The following CTLA4 variants were observed in gnomAD, a reference collection of about 807,000 sequenced individuals.
CTLA4 encodes cytotoxic T-lymphocyte associated protein 4.
A neutral mutation model predicts 20.4 loss-of-function variants in CTLA4; 3 were observed. The observed-to-expected ratio is 0.15, with a 90% CI of 0.07 to 0.38. CTLA4 has a LOEUF of 0.38. CTLA4 is among the 10% of genes least tolerant of loss of function. The pLI is 1.00. For synonymous variants in CTLA4, 100 were observed against 105.2 expected (o/e 0.95, Z 0.30); for missense variants, 184 against 276.8 (o/e 0.66, Z 2.38).
chr2:203,868,805 G>A (rs1322543980), intron 1 of CTLA4, among the ~76,000 whole-genome samples: 1 of 152,122 alleles, frequency 6.6e-6, no homozygotes, highest in African/African-American at 2.4e-5. Context: ...TTGTTACACG[G>A]CTTAAAATGA....
rs1688706626 is a variant in CTLA4 at position 203,870,402 on chromosome 2, C to T, written c.110-184C>T. On this transcript the variant is annotated intron_variant, in intron 1 of 3. Coordinates refer to ENST00000648405, the MANE Select transcript of CTLA4 (RefSeq NM_005214.5). This position sits in a 1 kb window ranked among gnomAD's most constrained non-coding sequence, Gnocchi z 5.3. ...AAGAAAATATCTTTATGGAGAGTAG[C>T]TGGAAAACAGTTGAGAGATGGAGGG... is the stretch of plus-strand genomic sequence containing the variant. 2 of 592,048 alleles carry T rather than the reference C, an allele frequency of 3.4e-6. No individual in the cohort carries two copies. Among genetic ancestry groups the T allele is most frequent in the African/African-American group, 4.1e-5 (2 of 48,728 alleles). The allele number at this position is 592,048 out of a possible 1,614,324, so 36.7% of individuals were successfully genotyped here.
At position 203,873,219 on chromosome 2, in the gene CTLA4, T is replaced by G. The variant is rs954473448; in HGVS notation, c.*407T>G. On this transcript the variant is annotated 3_prime_UTR_variant, in exon 4 of 4. Coordinates refer to ENST00000648405, the MANE Select transcript of CTLA4 (RefSeq NM_005214.5). Reference sequence around the variant, plus strand: ...GCCGAAATGATCTTTTCAAGTTAAATTTTATGCCTTTTATTTCTTAAACAA... The same window carrying G: ...GCCGAAATGATCTTTTCAAGTTAAAGTTTATGCCTTTTATTTCTTAAACAA... 1 of 402,786 alleles carries G rather than the reference T, an allele frequency of 2.5e-6. No individual in the cohort carries two copies. Among genetic ancestry groups the G allele is most frequent in the African/African-American group, 2.1e-5 (1 of 48,552 alleles). The allele number at this position is 402,786 out of a possible 1,614,324, so 25.0% of individuals were successfully genotyped here.
chr2:203,868,856 C>A (rs1467949586), intron 1 of CTLA4, among the ~76,000 whole-genome samples: 2 of 152,132 alleles, frequency 1.3e-5, no homozygotes, highest in African/African-American at 4.8e-5. Context: ...TCTCTCTAGA[C>A]CTTCTTGGTT....
In CTLA4 at chr2:203,872,713, G is replaced by A. The variant is rs1037900731; in HGVS notation, c.573G>A (p.Lys191=). 4 of 1,606,242 alleles carry A rather than the reference G, an allele frequency of 2.5e-6. No individual in the cohort carries two copies. Among genetic ancestry groups the A allele is most frequent in the Non-Finnish European group, 1.7e-6 (2 of 1,173,208 alleles). Residue 191 remains lysine (K), a synonymous_variant, in exon 4 of 4, where the codon AAG becomes AAA. Transcript: ENST00000648405. ...LTAVSLSKML[K]KRSPLTTGVY... ...TTTCTTTTTGTGTTTGACAGCTAAAGAAAAGAAGCCCTCTTACAACAGGGG... is the reference window on the plus strand; with the variant it reads ...TTTCTTTTTGTGTTTGACAGCTAAAAAAAAGAAGCCCTCTTACAACAGGGG...
At chr2:203,869,717 C>T (rs1310791566) in intron 1 of CTLA4, among the ~76,000 whole-genome samples, 1 of 152,146 alleles carries the variant, frequency 6.6e-6, no homozygotes, top group African/African-American at 2.4e-5. Flanking sequence ...TGGTTAGTTA[C>T]AGGAAGGTAA....
chr2:203,870,949 T>A lies in CTLA4; in HGVS notation c.457+16T>A. On this transcript the variant is annotated intron_variant, in intron 2 of 3. Coordinates refer to ENST00000648405, the MANE Select transcript of CTLA4 (RefSeq NM_005214.5). This position sits in a 1 kb window ranked among gnomAD's most constrained non-coding sequence, Gnocchi z 5.3. Reference sequence around the variant, plus strand: ...TATGTAATTGGTGAGCAAAGCCATTTCACTGAGTTGACACCTGTTGCATTG... The same window carrying A: ...TATGTAATTGGTGAGCAAAGCCATTACACTGAGTTGACACCTGTTGCATTG... 6.3e-7 allele frequency: 1 copy of A among 1,599,136 alleles called. No individual in the cohort carries two copies. Among genetic ancestry groups the A allele is most frequent in the Non-Finnish European group, 8.6e-7 (1 of 1,168,016 alleles).
intron 3 of CTLA4, 116 bp from the exon 4 acceptor site, chr2:203,872,592 C>T (rs974780969): frequency 8.5e-6 from 5 of 587,164 alleles, no homozygotes; most frequent in Non-Finnish European, 1.5e-5. Flanking sequence ...ATTCTGTATG[C>T]TGTGAACATT....
At chr2:203,868,192 T>G in intron 1 of CTLA4, 141 bp downstream of exon 1, 1 of 665,028 alleles carries the variant, frequency 1.5e-6, no homozygotes, top group Non-Finnish European at 2.6e-6. Context: ...GCTGGCTCTG[T>G]ATTCCAGGGC....
chr2:203,870,835 G>A lies in CTLA4; in HGVS notation c.359G>A (p.Arg120Lys). Residue 120 changes from arginine (R) to lysine (K), a missense_variant, in exon 2 of 4, where the codon AGG becomes AAG. Transcript: ENST00000648405. This position sits in a 1 kb window ranked among gnomAD's most constrained non-coding sequence, Gnocchi z 5.3. The stretch of plus-strand genomic sequence containing the variant: ...GTGAACCTCACTATCCAAGGACTGA[G>A]GGCCATGGACACGGGACTCTACATC... ...NQVNLTIQGL[R>K]AMDTGLYICK... 2 of 1,614,182 alleles carry A rather than the reference G, an allele frequency of 1.2e-6. No homozygotes were observed. The highest frequency in any genetic ancestry group is 1.7e-6 in the Non-Finnish European group (2 of 1,180,028).
chr2:203,873,140 C>G lies in CTLA4; in HGVS notation c.*328C>G. 3 of 489,008 alleles carry G rather than the reference C, an allele frequency of 6.1e-6. No homozygotes were observed. The highest frequency in any genetic ancestry group is 1.1e-5 in the Non-Finnish European group (3 of 278,072). 30.3% of individuals were successfully genotyped at this position (489,008 alleles called of 1,614,324 possible). On this transcript the variant is annotated 3_prime_UTR_variant, in exon 4 of 4. Transcript: ENST00000648405. ...GCCCAAAGAAGGAAAAGGCAGGGAG[C>G]GAGGGAGAAGACTATATTGTACACA...
Position 203,868,027 on chromosome 2 carries a change from C to G in CTLA4, c.85C>G (p.Leu29Val). Residue 29 changes from leucine to valine, a missense_variant, in exon 1 of 4, where the codon CTC becomes GTC. Transcript: ENST00000648405. ...TWPCTLLFFL[L>V]FIPVFCKAMH... ...GCCCTGCACTCTCCTGTTTTTTCTT[C>G]TCTTCATCCCTGTCTTCTGCAAAGG... 2 of 1,613,706 alleles carry G rather than the reference C, an allele frequency of 1.2e-6. No individual in the cohort carries two copies. The highest frequency in any genetic ancestry group is 1.7e-6 in the Non-Finnish European group (2 of 1,179,562).
intron 1 of CTLA4, among the ~76,000 whole-genome samples, chr2:203,869,319 T>A (rs531208959): frequency 1.3e-5 from 2 of 152,312 alleles, no homozygotes; most frequent in South Asian, 4.2e-4. Context: ...ATCACAGTGC[T>A]AAGGATGCTC....
intron 1 of CTLA4, among the ~76,000 whole-genome samples, chr2:203,869,812 C>T (rs1400667746): frequency 6.6e-6 from 1 of 152,106 alleles, no homozygotes; most frequent in Non-Finnish European, 1.5e-5. Context: ...GAAAAGAGAA[C>T]AAAGGAGCAT....
Position 203,870,570 on chromosome 2 carries a change from G to T in CTLA4, c.110-16G>T, listed in dbSNP as rs1231531519. The T allele has an allele frequency of 7.5e-6, 12 of 1,610,178 alleles. No individual in the cohort carries two copies. Among genetic ancestry groups the T allele is most frequent in the Non-Finnish European group, 9.3e-6 (11 of 1,177,126 alleles). On this transcript the variant is annotated splice_polypyrimidine_tract_variant and intron_variant, in intron 1 of 3. Transcript: ENST00000648405. This position sits in a 1 kb window ranked among gnomAD's most constrained non-coding sequence, Gnocchi z 5.3. ...AGCATGAGTTCACTGAGTTCCCTTT[G>T]GCTTTTCCATGCTAGCAATGCACGT...
At chr2:203,872,606 T>G (rs1688753380) in intron 3 of CTLA4, 102 bp from the exon 4 acceptor site, 1 of 643,296 alleles carries the variant, frequency 1.6e-6, no homozygotes, top group South Asian at 2.2e-5. Flanking sequence ...GAACATTCAT[T>G]TTTAACCAGC....
intron 2 of CTLA4, 139 bp from the exon 3 acceptor site, chr2:203,871,239 A>T (rs990401492): frequency 2.8e-6 from 2 of 710,554 alleles, no homozygotes; most frequent in African/African-American, 3.5e-5. Flanking sequence ...AGCCAAACCT[A>T]TTGGTGGGCT....
Position 203,872,900 on chromosome 2 carries a change from G to A in CTLA4, c.*88G>A. 2 of 872,466 alleles carry A rather than the reference G, an allele frequency of 2.3e-6. No homozygotes were observed. Among genetic ancestry groups the A allele is most frequent in the Admixed American group, 2.1e-5 (1 of 47,806 alleles). The allele number at this position is 872,466 out of a possible 1,614,324, so 54.0% of individuals were successfully genotyped here. On this transcript the variant is annotated 3_prime_UTR_variant, in exon 4 of 4. Coordinates refer to ENST00000648405, the MANE Select transcript of CTLA4 (RefSeq NM_005214.5). ...TTTTGCTATCCAGCTATTTTTATTT[G>A]TTTGTGCATTTGGGGGGAATTCATC...
rs903799162 is a variant in CTLA4 at position 203,870,176 on chromosome 2, C to T, written c.110-410C>T. 3 of 210,436 alleles carry T rather than the reference C, an allele frequency of 1.4e-5. No homozygotes were observed. The highest frequency in any genetic ancestry group is 2.9e-5 in the Non-Finnish European group (3 of 103,664). 13.0% of individuals were successfully genotyped at this position (210,436 alleles called of 1,614,324 possible). A position where few individuals can be genotyped will look rare whatever the true frequency, so the allele number is the denominator to read the frequency against. Reference sequence around the variant, plus strand: ...ATTATAGTTCCGGAGCTATATAGCTCCTATCATTCTATCATAACCTTAGAA... The same window carrying T: ...ATTATAGTTCCGGAGCTATATAGCTTCTATCATTCTATCATAACCTTAGAA... On this transcript the variant is annotated intron_variant, in intron 1 of 3. Transcript: ENST00000648405. The surrounding 1 kb of genome is among the most constrained non-coding windows in gnomAD (Gnocchi z 5.3).
rs1161605962 is a variant in CTLA4 at position 203,872,865 on chromosome 2, A to C, written c.*53A>C. On this transcript the variant is annotated 3_prime_UTR_variant, in exon 4 of 4. Coordinates refer to ENST00000648405, the MANE Select transcript of CTLA4 (RefSeq NM_005214.5). ...ATTTCAATTTCCAAGAGCTGAGGCA[A>C]TTCTAACTTTTTTGCTATCCAGCTA... is the stretch of plus-strand genomic sequence containing the variant. The C allele has an allele frequency of 8.4e-7, 1 of 1,187,138 alleles. No individual in the cohort carries two copies. The highest frequency in any genetic ancestry group is 1.3e-6 in the Non-Finnish European group (1 of 799,474). The allele number at this position is 1,187,138 out of a possible 1,614,324, so 73.5% of individuals were successfully genotyped here. A position where few individuals can be genotyped will look rare whatever the true frequency, so the allele number is the denominator to read the frequency against.
Sources: allele counts gnomAD v4.1 joint callset (sites outside exome capture counted in the v4.1 genomes callset), GRCh38; gene constraint gnomAD v4.1.1; non-coding constraint Gnocchi (gnomAD v3.1); transcripts MANE v1.5; gene names NCBI Gene and HGNC (gene_info 2026-07-23, HGNC 2026-07-21).